Variants in LAMA1 observed in about 807,000 individuals in gnomAD.
LAMA1 encodes laminin subunit alpha 1.
Under a neutral mutation model 348.7 loss-of-function variants are expected in LAMA1, and 219 were observed. The observed-to-expected ratio is 0.63, with a 90% confidence interval of 0.56 to 0.70. The LOEUF (loss-of-function observed/expected upper bound fraction) is 0.70, where lower values mean the gene tolerates loss of function less well. Among genes scored for constraint, LAMA1 ranks in the 30% least tolerant of loss-of-function variants. The pLI is 0.00. For missense variants in LAMA1, 3,744 were observed against 3,888.0 expected, an observed-to-expected ratio of 0.96 and a Z score of 0.99; for synonymous variants, 1,487 against 1,491.0, an observed-to-expected ratio of 1.00 and a Z score of 0.06.
chr18:7,055,999 GA>G (rs1170099458), intron 3 of LAMA1, among the ~76,000 whole-genome samples: 2 of 151,698 alleles, frequency 1.3e-5, no homozygotes, highest in East Asian at 1.9e-4. Flanking sequence ...AGAATGGCGT[GA>G]ACCCGGGAGG....
intron 45 of LAMA1, among the ~76,000 whole-genome samples, chr18:6,975,442 A>G (rs1476453689): frequency 2.6e-5 from 4 of 152,244 alleles, no homozygotes; most frequent in South Asian, 4.1e-4. Context: ...CCTGTCACAG[A>G]CTTGCATGCA....
chr18:7,050,567 A>G (rs2058058293), intron 4 of LAMA1, 127 bp downstream of exon 4: 1 of 1,345,222 alleles, frequency 7.4e-7, no homozygotes, highest in Non-Finnish European at 1.0e-6. Context: ...ACATGACTCA[A>G]GGCCACTTTA....
intron 56 of LAMA1, 134 bp from the exon 57 acceptor site, chr18:6,955,599 G>A (rs746080571): frequency 2.8e-6 from 2 of 712,444 alleles, no homozygotes; most frequent in Non-Finnish European, 2.6e-6. Context: ...GCCTGTTGGC[G>A]CTCACTCCAT....
intron 37 of LAMA1, 107 bp downstream of exon 37, chr18:6,986,030 T>A: frequency 8.0e-7 from 1 of 1,256,516 alleles, no homozygotes; most frequent in Non-Finnish European, 1.2e-6. Context: ...AGTGCTGGGA[T>A]TACAAGCGTG....
intron 53 of LAMA1, among the ~76,000 whole-genome samples, 192 bp downstream of exon 53, chr18:6,961,394 T>C (rs1166658997): frequency 6.6e-6 from 1 of 152,226 alleles, no homozygotes; most frequent in Admixed American, 6.5e-5. Context: ...AGATGGATTA[T>C]GCAATATGAG....
intron 10 of LAMA1, among the ~76,000 whole-genome samples, chr18:7,039,783 A>G (rs2058012208): frequency 6.6e-6 from 1 of 152,180 alleles, no homozygotes; most frequent in African/African-American, 2.4e-5. Context: ...AGGCCCACAG[A>G]GGAGGTGGGA....
intron 51 of LAMA1, chr18:6,964,252 CG>C (rs2057622264): frequency 1.4e-5 from 4 of 285,244 alleles, no homozygotes; most frequent in South Asian, 4.2e-5. Context: ...CAGGTTGAAC[CG>C]TGTCCTCCCA....
At chr18:7,088,993 A>G (rs2058228780) in intron 1 of LAMA1, among the ~76,000 whole-genome samples, 1 of 151,904 alleles carries the variant, frequency 6.6e-6, no homozygotes, top group African/African-American at 2.4e-5. Flanking sequence ...AGACAGTGAG[A>G]CTTTGTCTCT....
At position 7,032,174 on chromosome 18, in the gene LAMA1, C is replaced by G. The variant is rs376692947; in HGVS notation, c.2166G>C (p.Ser722=). 6.3e-5 allele frequency: 101 copies of G among 1,607,524 alleles called. 1 individual carries two copies. In the Admixed American group the frequency reaches 1.6e-3, roughly 26 times the overall value. Residue 722 remains serine, a splice_region_variant and synonymous_variant, in exon 16 of 63, where the codon TCG becomes TCC. Coordinates refer to ENST00000389658, the MANE Select transcript of LAMA1 (RefSeq NM_005559.4). The part of the protein sequence containing the change: ...PQGYTGTSCE[S]CLSGYYRVDG... ...CCACGCGGTAATAGCCAGAGAGGCACGACTGCAAGAGAAGGGAAAGTCATC... is the reference window on the plus strand; with the variant it reads ...CCACGCGGTAATAGCCAGAGAGGCAGGACTGCAAGAGAAGGGAAAGTCATC...
At chr18:7,039,043 A>G in intron 10 of LAMA1, 93 bp from the exon 11 acceptor site, 1 of 1,026,178 alleles carries the variant, frequency 9.7e-7, no homozygotes, top group Non-Finnish European at 1.5e-6. Flanking sequence ...TCGGTGATCC[A>G]CAGAGACAGG....
At chr18:7,089,837 G>A (rs2058232755) in intron 1 of LAMA1, among the ~76,000 whole-genome samples, 1 of 152,172 alleles carries the variant, frequency 6.6e-6, no homozygotes. Context: ...AAATGATTTG[G>A]AGCAATGCAT....
intron 1 of LAMA1, among the ~76,000 whole-genome samples, chr18:7,095,870 C>G (rs2058258938): frequency 6.6e-6 from 1 of 152,188 alleles, no homozygotes. Flanking sequence ...AATTGGAGAC[C>G]AGCCTGGCAA....
At chr18:6,975,124 G>T in intron 45 of LAMA1, 88 bp from the exon 46 acceptor site, 1 of 1,433,568 alleles carries the variant, frequency 7.0e-7, no homozygotes, top group Non-Finnish European at 9.4e-7. Flanking sequence ...ATTCTTACGG[G>T]GTTTTCTCTT....
At chr18:7,115,607 T>C (rs1471415616) in intron 1 of LAMA1, among the ~76,000 whole-genome samples, 1 of 151,664 alleles carries the variant, frequency 6.6e-6, no homozygotes, top group Non-Finnish European at 1.5e-5. Flanking sequence ...GTCAGGATTA[T>C]TGACCAAAAC....
rs748671631 is a variant in LAMA1, at chr18:7,040,204, C to T, written c.1294G>A (p.Gly432Ser). ...CGATCACATTTTTCTCCTGTATAAC[C>T]TTCCTTACATGGGCACTGACCTGGC... ...KQPGQCPCKEGYTGEKCDRCQ... is the reference protein window; with the variant it reads ...KQPGQCPCKESYTGEKCDRCQ... Residue 432 changes from glycine (G) to serine (S), a missense_variant, in exon 10 of 63, where the codon GGT (glycine) becomes AGT (serine). By Grantham distance (56) the Gly-to-Ser change is moderately conservative (BLOSUM62 0). Around this residue, in one of 3 missense-constraint regions of LAMA1, gnomAD observed 1,529 missense variants for 1,689.4 expected, o/e 0.91. Transcript: ENST00000389658. 5 of 1,614,154 alleles carry T rather than the reference C, an allele frequency of 3.1e-6. No individual in the cohort carries two copies. The South Asian group carries it at 5.5e-5, about 18-fold the overall frequency.
chr18:7,008,488 C>T lies in LAMA1; in HGVS notation c.4122G>A (p.Gln1374=). 6.2e-7 allele frequency: 1 copy of T among 1,613,982 alleles called. No homozygotes were observed. The highest frequency in any genetic ancestry group is 8.5e-7 in the Non-Finnish European group (1 of 1,179,930). The stretch of plus-strand genomic sequence containing the variant: ...TAGATTTCGACTAGAGTCTCCGTAC[C>T]TGACATGAGAATCCCACAGTGCCAG... ...CPPGTVGFSC[Q]DCAPGYHRGK... Residue 1374 remains glutamine, a splice_region_variant and synonymous_variant, in exon 28 of 63, where the codon CAG becomes CAA. Transcript: ENST00000389658.
At chr18:6,949,403 A>G in intron 58 of LAMA1, 144 bp from the exon 59 acceptor site, 1 of 825,566 alleles carries the variant, frequency 1.2e-6, no homozygotes, top group Non-Finnish European at 2.0e-6. Context: ...AAATTTTTAG[A>G]CAGTTGGTGA....
chr18:7,008,707 G>C, intron 27 of LAMA1, 99 bp from the exon 28 acceptor site: 1 of 1,416,210 alleles, frequency 7.1e-7, no homozygotes, highest in South Asian at 1.2e-5. Context: ...TGAAACCAGA[G>C]CTTTCTTCCC....
At chr18:7,059,279 C>T (rs2058094068) in intron 3 of LAMA1, among the ~76,000 whole-genome samples, 1 of 152,180 alleles carries the variant, frequency 6.6e-6, no homozygotes, top group Admixed American at 6.5e-5. Flanking sequence ...TGCCTTTTCT[C>T]TGGATTTAAG....
Sources: gnomAD v4.1 joint callset for allele counts (sites outside exome capture counted in the v4.1 genomes callset) on GRCh38, gnomAD v4.1.1 for gene constraint, gnomAD v4.1.1 regional missense constraint, MANE v1.5 for transcripts, NCBI Gene and HGNC (gene_info 2026-07-23, HGNC 2026-07-21) for gene names.